The following UMAD1 variants were observed in gnomAD, a reference collection of about 807,000 sequenced individuals.
UMAD1 encodes UBAP1-MVB12-associated (UMA)-domain containing protein 1.
UMAD1 carries 8 observed loss-of-function variants against 6.1 expected under a neutral mutation model. That is an observed-to-expected ratio of 1.30 (90% CI 0.76 to 2.35). UMAD1 has a LOEUF of 2.35. Among genes scored for constraint, UMAD1 ranks in the 30% most tolerant of loss-of-function variants. The probability of loss-of-function intolerance (pLI) is 0.00; values close to 1 mark genes in which losing one functional copy is unlikely to be tolerated. For synonymous variants in UMAD1, 56 were observed against 31.4 expected (o/e 1.78, Z -2.61); for missense variants, 130 against 78.4 (o/e 1.66, Z -2.49).
intron 2 of UMAD1, among the ~76,000 whole-genome samples, chr7:7,698,292 T>C (rs1780364692): frequency 6.6e-6 from 1 of 152,236 alleles, no homozygotes; most frequent in South Asian, 2.1e-4. Context: ...TTCCCATTCT[T>C]GAAGTAACTA....
chr7:7,664,538 G>T (rs1325158967), intron 1 of UMAD1, among the ~76,000 whole-genome samples: 1 of 152,068 alleles, frequency 6.6e-6, no homozygotes, highest in Non-Finnish European at 1.5e-5. Flanking sequence ...TTATCTACAT[G>T]GTTCCTTCCT....
At chr7:7,789,775 A>G (rs560978087) in intron 2 of UMAD1, among the ~76,000 whole-genome samples, 10 of 152,356 alleles carry the variant, frequency 6.6e-5, no homozygotes, top group Admixed American at 5.2e-4. Flanking sequence ...ATGTTGTAGC[A>G]TGTATCAATT....
chr7:7,828,241 G>A (rs1783385843), intron 3 of UMAD1, among the ~76,000 whole-genome samples: 1 of 152,180 alleles, frequency 6.6e-6, no homozygotes, highest in Non-Finnish European at 1.5e-5. Flanking sequence ...CCGGCATTCA[G>A]TAATAATAAT....
intron 2 of UMAD1, among the ~76,000 whole-genome samples, chr7:7,791,627 T>C (rs1782568854): frequency 6.6e-6 from 1 of 152,106 alleles, no homozygotes; most frequent in Non-Finnish European, 1.5e-5. Context: ...TCCAGAAAAA[T>C]TATTACCCCA....
intron 2 of UMAD1, among the ~76,000 whole-genome samples, chr7:7,760,619 A>C (rs1315689746): frequency 6.6e-6 from 1 of 152,108 alleles, no homozygotes; most frequent in South Asian, 2.1e-4. Context: ...CACTTATGGC[A>C]GGAAGACTGA....
intron 1 of UMAD1, among the ~76,000 whole-genome samples, chr7:7,643,725 AC>A (rs1563077037): frequency 0.17 from 1,369 of 8,076 alleles, 42 homozygotes; most frequent in African/African-American, 0.34. Context: ...AAAAAAAAAA[AC>A]AAACAAACGA....
intron 3 of UMAD1, among the ~76,000 whole-genome samples, chr7:7,876,218 C>T (rs1784416475): frequency 6.6e-6 from 1 of 152,020 alleles, no homozygotes; most frequent in East Asian, 1.9e-4. Flanking sequence ...AGCAAAGGCC[C>T]TGAGGCAGAA....
chr7:7,814,228 C>A (rs1783082849), intron 3 of UMAD1, among the ~76,000 whole-genome samples: 1 of 152,154 alleles, frequency 6.6e-6, no homozygotes, highest in Non-Finnish European at 1.5e-5. Flanking sequence ...TTGTGATCCG[C>A]CTGCCTCAGC....
At chr7:7,649,539 G>A (rs62451450) in intron 1 of UMAD1, among the ~76,000 whole-genome samples, 10,601 of 152,156 alleles carry the variant, frequency 0.07, 489 homozygotes, top group Middle Eastern at 0.13. Context: ...TAATTTCCAC[G>A]TCAGTTTTTT....
intron 2 of UMAD1, among the ~76,000 whole-genome samples, chr7:7,695,667 A>T (rs1203835106): frequency 6.6e-6 from 1 of 152,218 alleles, no homozygotes; most frequent in Non-Finnish European, 1.5e-5. Context: ...GAATTAAAAA[A>T]GACATTGCTT....
intron 2 of UMAD1, among the ~76,000 whole-genome samples, chr7:7,777,572 C>A (rs1202863737): frequency 7.6e-5 from 5 of 65,790 alleles, no homozygotes; most frequent in African/African-American, 1.6e-4. Context: ...CATACATGAG[C>A]AAATATATAT....
At chr7:7,772,860 CTG>C (rs776711520) in intron 2 of UMAD1, among the ~76,000 whole-genome samples, 1 of 152,140 alleles carries the variant, frequency 6.6e-6, no homozygotes, top group Non-Finnish European at 1.5e-5. Flanking sequence ...TTAAGAAAAA[CTG>C]TGTGAAAGTG....
At chr7:7,768,158 C>T (rs1782032413) in intron 2 of UMAD1, among the ~76,000 whole-genome samples, 1 of 151,952 alleles carries the variant, frequency 6.6e-6, no homozygotes, top group Admixed American at 6.6e-5. Context: ...TTTTTATATG[C>T]CCAATACCCT....
intron 2 of UMAD1, among the ~76,000 whole-genome samples, chr7:7,677,654 C>CTGTTTGTT (rs1779777264): frequency 7.4e-6 from 1 of 136,028 alleles, no homozygotes; most frequent in African/African-American, 2.7e-5. Flanking sequence ...ATCTATTCAT[C>CTGTTTGTT]TGTTTTTTTG....
At chr7:7,813,542 A>G (rs561578842) in intron 3 of UMAD1, among the ~76,000 whole-genome samples, 2 of 152,194 alleles carry the variant, frequency 1.3e-5, no homozygotes, top group African/African-American at 2.4e-5. Context: ...AGAGGGAGAA[A>G]AGATTGGTGT....
chr7:7,683,528 T>G (rs1373925367), intron 2 of UMAD1, among the ~76,000 whole-genome samples: 3 of 152,172 alleles, frequency 2.0e-5, no homozygotes, highest in African/African-American at 7.2e-5. Context: ...ACAGAATTTC[T>G]GGGTAATTAC....
chr7:7,665,508 C>T (rs6974820), intron 1 of UMAD1, among the ~76,000 whole-genome samples: 29,993 of 152,110 alleles, frequency 0.2, 3,161 homozygotes, highest in Middle Eastern at 0.23. Flanking sequence ...CTAATTGTGT[C>T]AATAAATTTT....
chr7:7,743,415 C>T (rs1400901314), intron 2 of UMAD1, among the ~76,000 whole-genome samples: 1 of 151,966 alleles, frequency 6.6e-6, no homozygotes, highest in East Asian at 1.9e-4. Flanking sequence ...GGTTAAAGAA[C>T]TACAGATACA....
chr7:7,793,221 A>T (rs1175507956), intron 2 of UMAD1, among the ~76,000 whole-genome samples: 1 of 152,186 alleles, frequency 6.6e-6, no homozygotes, highest in Non-Finnish European at 1.5e-5. Context: ...ATGTATCATT[A>T]TTCCCATTTT....
Sources: gnomAD v4.1 joint callset for allele counts (sites outside exome capture counted in the v4.1 genomes callset) on GRCh38, gnomAD v4.1.1 for gene constraint, MANE v1.5 for transcripts, NCBI Gene and HGNC (gene_info 2026-07-23, HGNC 2026-07-21) for gene names.